The following ROR2 variants were observed in gnomAD, a reference collection of about 807,000 sequenced individuals.
ROR2 encodes the protein ROR family WNT receptor 2, also known as tyrosine-protein kinase transmembrane receptor ROR2.
ROR2 carries 33 observed loss-of-function variants against 74.9 expected under a neutral mutation model. The observed-to-expected ratio is 0.44, with a 90% CI of 0.33 to 0.59. ROR2 has a LOEUF of 0.59. ROR2 is among the 20% of genes least tolerant of loss of function. The pLI is 0.02. For synonymous variants in ROR2, 586 were observed against 558.7 expected, an observed-to-expected ratio of 1.05 and a Z score of -0.69; for missense variants, 1,216 against 1,313.8, an observed-to-expected ratio of 0.93 and a Z score of 1.15.
chr9:91,898,055 G>T lies in ROR2; in HGVS notation c.97+51812C>A, dbSNP rs1018157393. ...GTCCACACACCCCGAGAACCCCTCG[G>T]GCCACACCCCTGGGCCTCTCTGACT... is the stretch of plus-strand genomic sequence containing the variant. On this transcript the variant is annotated intron_variant, in intron 1 of 8. Coordinates refer to ENST00000375708, the MANE Select transcript of ROR2 (RefSeq NM_004560.4). 4.6e-5 allele frequency among the ~76,000 whole-genome samples: 7 copies of T among 152,108 alleles called. No individual in the cohort carries two copies. The East Asian group carries it at 1.4e-3, about 30-fold the overall frequency.
At chr9:91,824,395 T>C (rs1828222976) in intron 1 of ROR2, among the ~76,000 whole-genome samples, 1 of 152,218 alleles carries the variant, frequency 6.6e-6, no homozygotes, top group Admixed American at 6.5e-5. Context: ...TGGCACTTCA[T>C]GTTCCCAGTG....
intron 1 of ROR2, among the ~76,000 whole-genome samples, chr9:91,926,529 G>A (rs1471268741): frequency 1.6e-5 from 2 of 122,054 alleles, no homozygotes; most frequent in African/African-American, 3.0e-5. Flanking sequence ...CTGGGCGACA[G>A]AATGACTCCA....
At chr9:91,836,268 C>T (rs1828607394) in intron 1 of ROR2, among the ~76,000 whole-genome samples, 1 of 152,140 alleles carries the variant, frequency 6.6e-6, no homozygotes, top group African/African-American at 2.4e-5. Context: ...GACCAGGCAT[C>T]ATGGTTCACG....
intron 1 of ROR2, among the ~76,000 whole-genome samples, chr9:91,873,028 T>A (rs1564012269): frequency 6.6e-6 from 1 of 152,256 alleles, no homozygotes; most frequent in Non-Finnish European, 1.5e-5. Flanking sequence ...CTATTTAATG[T>A]CAACATTTTT....
At chr9:91,863,521 AAAAC>A (rs1263109760) in intron 1 of ROR2, among the ~76,000 whole-genome samples, 1 of 152,182 alleles carries the variant, frequency 6.6e-6, no homozygotes, top group Non-Finnish European at 1.5e-5. Flanking sequence ...AAAAGAAAAG[AAAAC>A]AAAAACAAAA....
intron 2 of ROR2, among the ~76,000 whole-genome samples, chr9:91,763,154 A>G (rs1348403456): frequency 6.6e-6 from 1 of 152,220 alleles, no homozygotes; most frequent in Non-Finnish European, 1.5e-5. Flanking sequence ...AGGGAACAAC[A>G]GACACCAGGG....
At chr9:91,802,878 A>G (rs557466356) in intron 1 of ROR2, among the ~76,000 whole-genome samples, 1 of 152,340 alleles carries the variant, frequency 6.6e-6, no homozygotes, top group African/African-American at 2.4e-5. Context: ...AAAATGGGCA[A>G]CAAACTTCAG....
rs77984909 is a variant in ROR2 at position 91,900,070 on chromosome 9, A to C, written c.97+49797T>G. The stretch of plus-strand genomic sequence containing the variant: ...CCAAAAGAATGCCAGCCTGGAACCC[A>C]CTAGATGCACTCACCAGTAAGATAA... On this transcript the variant is annotated intron_variant, in intron 1 of 8. Transcript: ENST00000375708. Among the ~76,000 whole-genome samples, 159 of 152,304 alleles carry C rather than the reference A, an allele frequency of 1.0e-3. 1 individual carries two copies. The East Asian group carries it at 0.017, about 16-fold the overall frequency.
chr9:91,768,754 G>A (rs1587701498), intron 2 of ROR2, among the ~76,000 whole-genome samples: 2 of 152,284 alleles, frequency 1.3e-5, no homozygotes, highest in African/African-American at 2.4e-5. Context: ...GACAGTCTCA[G>A]GTGCCCGGCC....
At chr9:91,734,789 G>A (rs570563743) in intron 5 of ROR2, among the ~76,000 whole-genome samples, 1 of 152,338 alleles carries the variant, frequency 6.6e-6, no homozygotes, top group East Asian at 1.9e-4. Flanking sequence ...CTGGTAAAAG[G>A]CGGCGTCAGT....
At chr9:91,769,710 G>A (rs1189013664) in intron 2 of ROR2, among the ~76,000 whole-genome samples, 5 of 151,922 alleles carry the variant, frequency 3.3e-5, no homozygotes, top group Admixed American at 3.3e-4. Context: ...TCAGCCTCTC[G>A]ACCACCCCAA....
intron 1 of ROR2, among the ~76,000 whole-genome samples, chr9:91,807,370 C>T (rs1472665540): frequency 1.3e-5 from 2 of 152,250 alleles, no homozygotes; most frequent in East Asian, 1.9e-4. Flanking sequence ...GAAGCTCCTA[C>T]ACTGGGGACC....
intron 1 of ROR2, among the ~76,000 whole-genome samples, chr9:91,933,156 C>CA (rs1014962905): frequency 5.5e-4 from 81 of 148,382 alleles, no homozygotes; most frequent in East Asian, 1.8e-3. Context: ...ACCAAAAATA[C>CA]AAAAAAAAAA....
Position 91,942,068 on chromosome 9 carries a change from C to CGT in ROR2, c.97+7797_97+7798dup, listed in dbSNP as rs544156945. On this transcript the variant is annotated intron_variant, in intron 1 of 8. Transcript: ENST00000375708. ...CCTCCCAAAGTGCTAGGATTACAGGCGTGAGCCACCACACCAGGCCCCTGT... is the reference window on the plus strand; with the variant it reads ...CCTCCCAAAGTGCTAGGATTACAGGCGTGTGAGCCACCACACCAGGCCCCTGT... 2.4e-3 allele frequency among the ~76,000 whole-genome samples: 369 copies of CGT among 152,298 alleles called. 1 individual carries two copies. The highest frequency in any genetic ancestry group is 7.5e-3 in the African/African-American group (312 of 41,562).
rs568825484 is a variant in ROR2 at position 91,903,292 on chromosome 9, G to A, written c.97+46575C>T. On this transcript the variant is annotated intron_variant, in intron 1 of 8. Coordinates refer to ENST00000375708, the MANE Select transcript of ROR2 (RefSeq NM_004560.4). ...GGAACCCAGATAGATGCTGCATGGA[G>A]GGGTCTCAGATGCCCACACCCCAAC... Among the ~76,000 whole-genome samples, 6 of 152,166 alleles carry A rather than the reference G, an allele frequency of 3.9e-5. No individual in the cohort carries two copies. In the South Asian group the frequency reaches 1.2e-3, roughly 32 times the overall value.
At chr9:91,909,838 GTTTGTTTTGTTTTTTTT>G (rs1668273685) in intron 1 of ROR2, among the ~76,000 whole-genome samples, 3 of 63,198 alleles carry the variant, frequency 4.7e-5, no homozygotes, top group African/African-American at 1.9e-4. Flanking sequence ...TTTTTTTTAG[GTTTGTTTTGTTTTTTTT>G]TTTTTTTTTT....
intron 1 of ROR2, among the ~76,000 whole-genome samples, chr9:91,785,363 C>T (rs1826763155): frequency 6.6e-6 from 1 of 152,208 alleles, no homozygotes; most frequent in Admixed American, 6.5e-5. Flanking sequence ...GCCTACTTAG[C>T]CCTACTCTCA....
intron 1 of ROR2, among the ~76,000 whole-genome samples, chr9:91,777,334 A>G (rs1826452924): frequency 6.6e-6 from 1 of 152,118 alleles, no homozygotes; most frequent in Non-Finnish European, 1.5e-5. Context: ...AAGAGCTAAG[A>G]ATACCACCTT....
chr9:91,841,846 C>A (rs1587772556), intron 1 of ROR2, among the ~76,000 whole-genome samples: 1 of 152,370 alleles, frequency 6.6e-6, no homozygotes, highest in East Asian at 1.9e-4. Context: ...GGCACCTCAA[C>A]TGCCAGCAGC....
Sources: allele counts gnomAD v4.1 joint callset (sites outside exome capture counted in the v4.1 genomes callset), GRCh38; gene constraint gnomAD v4.1.1; transcripts MANE v1.5; gene names NCBI Gene and HGNC (gene_info 2026-07-23, HGNC 2026-07-21).